TRABD2B: variants seen among roughly 807,000 people sequenced by gnomAD.
TRABD2B encodes the protein TraB domain containing 2B, also known as metalloprotease TIKI2.
In TRABD2B, 14 loss-of-function variants were observed where a neutral mutation model predicts 40.1. The observed-to-expected ratio is 0.35, with a 90% confidence interval of 0.23 to 0.55. The LOEUF (loss-of-function observed/expected upper bound fraction) is 0.55, where lower values mean the gene tolerates loss of function less well. Ranked by LOEUF, TRABD2B falls within the 20% of genes least tolerant of loss-of-function variation. The pLI is 0.90. For missense variants in TRABD2B, 541 were observed against 648.6 expected (o/e 0.83, Z 1.80); for synonymous variants, 263 against 277.0 (o/e 0.95, Z 0.50).
At chr1:47,861,442 T>C (rs1643969285) in intron 2 of TRABD2B, among the ~76,000 whole-genome samples, 2 of 151,766 alleles carry the variant, frequency 1.3e-5, no homozygotes, top group South Asian at 2.1e-4. Context: ...ACATCAGAAA[T>C]AAAGGAGGGT....
chr1:47,959,781 G>A (rs1198631796), intron 2 of TRABD2B, among the ~76,000 whole-genome samples: 3 of 152,096 alleles, frequency 2.0e-5, no homozygotes, highest in African/African-American at 7.2e-5. Flanking sequence ...TCTACCAGAG[G>A]TACAAAGAGG....
chr1:47,805,523 A>G (rs1409134755), intron 2 of TRABD2B, among the ~76,000 whole-genome samples: 1 of 152,012 alleles, frequency 6.6e-6, no homozygotes, highest in Non-Finnish European at 1.5e-5. Flanking sequence ...ATCTCACTGA[A>G]TTGTCCCTGT....
chr1:47,919,447 G>A (rs1221888753), intron 2 of TRABD2B, among the ~76,000 whole-genome samples: 2 of 152,162 alleles, frequency 1.3e-5, no homozygotes, highest in Admixed American at 6.5e-5. Flanking sequence ...CCCTGTTGGG[G>A]GTAACAGGAA....
At chr1:47,925,857 T>C (rs1287133805) in intron 2 of TRABD2B, among the ~76,000 whole-genome samples, 3 of 152,244 alleles carry the variant, frequency 2.0e-5, no homozygotes, top group Non-Finnish European at 2.9e-5. Context: ...TAAGCTGCCA[T>C]GGTGCAGGAG....
intron 2 of TRABD2B, among the ~76,000 whole-genome samples, chr1:47,894,295 T>G (rs1644488502): frequency 1.3e-5 from 2 of 152,196 alleles, no homozygotes; most frequent in South Asian, 4.1e-4. Flanking sequence ...TTTCCGTATC[T>G]CTGTAATGGA....
intron 2 of TRABD2B, among the ~76,000 whole-genome samples, chr1:47,904,112 A>G (rs1190602622): frequency 6.6e-6 from 1 of 152,240 alleles, no homozygotes; most frequent in Non-Finnish European, 1.5e-5. Flanking sequence ...AGGAGCTGTA[A>G]CAGGGCACTG....
intron 2 of TRABD2B, among the ~76,000 whole-genome samples, chr1:47,825,870 T>G (rs1021492501): frequency 1.2e-4 from 18 of 152,182 alleles, no homozygotes; most frequent in African/African-American, 2.7e-4. Context: ...CCTGGGTTCA[T>G]GTTCTGCCTC....
intron 2 of TRABD2B, among the ~76,000 whole-genome samples, chr1:47,913,851 C>A (rs1406141964): frequency 1.3e-5 from 2 of 152,146 alleles, no homozygotes; most frequent in Non-Finnish European, 2.9e-5. Context: ...CAGGAAAACT[C>A]ATTTCTTTTA....
At chr1:47,897,923 G>A (rs1320824455) in intron 2 of TRABD2B, among the ~76,000 whole-genome samples, 1 of 152,178 alleles carries the variant, frequency 6.6e-6, no homozygotes, top group African/African-American at 2.4e-5. Context: ...TATACAAACA[G>A]AAGTGTTAGC....
rs1646093731 is a variant in TRABD2B at position 47,996,482 on chromosome 1, C to T, written c.102+206G>A. ...GAGCGGCAGCGTGTGGAGAAGGAACCGGAGAGGGAGCGCCCCTTCTCGCTC... is the reference window on the plus strand; with the variant it reads ...GAGCGGCAGCGTGTGGAGAAGGAACTGGAGAGGGAGCGCCCCTTCTCGCTC... On this transcript the variant is annotated intron_variant, in intron 1 of 6. Coordinates refer to ENST00000606738, the MANE Select transcript of TRABD2B (RefSeq NM_001194986.2). This position sits in a 1 kb window ranked among gnomAD's most constrained non-coding sequence, Gnocchi z 4.6. Among the ~76,000 whole-genome samples, 1 of 152,128 alleles carries T rather than the reference C, an allele frequency of 6.6e-6. No individual in the cohort carries two copies. The highest frequency in any genetic ancestry group is 2.4e-5 in the African/African-American group (1 of 41,442).
At chr1:47,872,993 G>C (rs1283544167) in intron 2 of TRABD2B, among the ~76,000 whole-genome samples, 1 of 152,168 alleles carries the variant, frequency 6.6e-6, no homozygotes, top group Admixed American at 6.5e-5. Flanking sequence ...CAAAGTGCCG[G>C]CAGATTCAGT....
At chr1:47,915,152 G>C (rs1644813621) in intron 2 of TRABD2B, among the ~76,000 whole-genome samples, 2 of 152,226 alleles carry the variant, frequency 1.3e-5, no homozygotes, top group South Asian at 4.1e-4. Flanking sequence ...TCTTGTTACT[G>C]CAAGGAATGA....
chr1:47,954,007 T>A (rs1342060066), intron 2 of TRABD2B, among the ~76,000 whole-genome samples: 1 of 152,248 alleles, frequency 6.6e-6, no homozygotes, highest in East Asian at 1.9e-4. Flanking sequence ...AACATTTAAT[T>A]CAAACTGGCA....
intron 2 of TRABD2B, among the ~76,000 whole-genome samples, chr1:47,824,139 G>A (rs1645145498): frequency 6.6e-6 from 1 of 152,164 alleles, no homozygotes; most frequent in Non-Finnish European, 1.5e-5. Context: ...CTACTGCACA[G>A]GGTTGCTGTG....
intron 2 of TRABD2B, among the ~76,000 whole-genome samples, chr1:47,888,215 C>A (rs1644396724): frequency 6.6e-6 from 1 of 152,198 alleles, no homozygotes; most frequent in Non-Finnish European, 1.5e-5. Flanking sequence ...GCCTGACGGG[C>A]CTGAAAGGCA....
chr1:47,815,224 G>A (rs1198622407), intron 2 of TRABD2B, among the ~76,000 whole-genome samples: 1 of 152,210 alleles, frequency 6.6e-6, no homozygotes, highest in African/African-American at 2.4e-5. Context: ...AAAGAACACA[G>A]AGAAGTCAGA....
chr1:47,816,985 G>GT (rs1645041357), intron 2 of TRABD2B, among the ~76,000 whole-genome samples: 1 of 152,160 alleles, frequency 6.6e-6, no homozygotes, highest in South Asian at 2.1e-4. Flanking sequence ...CTCTGCAGAT[G>GT]TAACGAGAGT....
chr1:47,990,770 TTTA>T (rs1645992583), intron 2 of TRABD2B, among the ~76,000 whole-genome samples: 1 of 35,046 alleles, frequency 2.9e-5, no homozygotes, highest in African/African-American at 1.6e-4. Context: ...AAACGTTGGT[TTTA>T]TATATATATA....
rs1165598501 is a variant in TRABD2B, at chr1:47,937,025, GATC to G, written c.666+57006_666+57008del. ...CCATCACCATCATCACCACTACCAT[GATC>G]ATCATCACCATCACCACCACCACCA... On this transcript the variant is annotated intron_variant, in intron 2 of 6. Coordinates refer to ENST00000606738, the MANE Select transcript of TRABD2B (RefSeq NM_001194986.2). Among the ~76,000 whole-genome samples the G allele has an allele frequency of 6.1e-4, 32 of 52,774 alleles. 1 individual carries two copies. The highest frequency in any genetic ancestry group is 0.013 in the Middle Eastern group (1 of 78). The allele number at this position is 52,774 out of a possible 152,430, so 34.6% of individuals were successfully genotyped here.
Sources: allele counts gnomAD v4.1 joint callset (sites outside exome capture counted in the v4.1 genomes callset), GRCh38; gene constraint gnomAD v4.1.1; non-coding constraint Gnocchi (gnomAD v3.1); transcripts MANE v1.5; gene names NCBI Gene and HGNC (gene_info 2026-07-23, HGNC 2026-07-21).